The following MOB3B variants were observed in gnomAD, a reference collection of about 807,000 sequenced individuals.
MOB3B encodes MOB kinase activator-like 2B.
In MOB3B, 7 loss-of-function variants were observed where a neutral mutation model predicts 18.7. That is an observed-to-expected ratio of 0.37 (90% CI 0.21 to 0.70). MOB3B has a LOEUF of 0.70. Ranked by LOEUF, MOB3B falls within the 30% of genes least tolerant of loss-of-function variation. The pLI, the probability that MOB3B is intolerant of heterozygous loss-of-function variation, is 0.52. For synonymous variants in MOB3B, 111 were observed against 99.9 expected (o/e 1.11, Z -0.66); for missense variants, 253 against 281.3 (o/e 0.90, Z 0.72).
intron 2 of MOB3B, among the ~76,000 whole-genome samples, chr9:27,453,474 G>A (rs893516514): frequency 6.6e-6 from 1 of 152,124 alleles, no homozygotes; most frequent in Non-Finnish European, 1.5e-5. Context: ...TTACCCTGGG[G>A]GATATAGAGG....
intron 1 of MOB3B, among the ~76,000 whole-genome samples, chr9:27,506,770 TC>T (rs1462353790): frequency 6.6e-6 from 1 of 151,298 alleles, no homozygotes; most frequent in Non-Finnish European, 1.5e-5. Context: ...GACCTCGTGA[TC>T]CGCCAGCCTC....
chr9:27,472,860 G>A (rs1009747063), intron 1 of MOB3B, among the ~76,000 whole-genome samples: 3 of 152,088 alleles, frequency 2.0e-5, no homozygotes, highest in African/African-American at 4.8e-5. Context: ...CTTAACGTAG[G>A]TGAAAACTGA....
At chr9:27,427,932 T>C (rs1204898860) in intron 2 of MOB3B, among the ~76,000 whole-genome samples, 1 of 152,186 alleles carries the variant, frequency 6.6e-6, no homozygotes, top group Non-Finnish European at 1.5e-5. Context: ...AGTTGGTTTT[T>C]ACACCTGTGG....
intron 2 of MOB3B, among the ~76,000 whole-genome samples, chr9:27,385,340 T>C (rs553587034): frequency 1.3e-5 from 2 of 152,314 alleles, no homozygotes; most frequent in South Asian, 4.1e-4. Flanking sequence ...TGTCAGGCCC[T>C]GTACGAGGTA....
chr9:27,352,527 G>T (rs181458964), intron 3 of MOB3B, among the ~76,000 whole-genome samples: 1 of 152,156 alleles, frequency 6.6e-6, no homozygotes, highest in Admixed American at 6.6e-5. Flanking sequence ...CCACGAAGGG[G>T]TGTCTGTCAT....
At chr9:27,527,665 G>A (rs1215633141) in intron 1 of MOB3B, among the ~76,000 whole-genome samples, 2 of 152,200 alleles carry the variant, frequency 1.3e-5, no homozygotes, top group Admixed American at 6.5e-5. Context: ...GAGCTTCCTT[G>A]GAAGAGGGAC....
At position 27,529,725 on chromosome 9, in the gene MOB3B, G is replaced by A. The variant is rs979799526; in HGVS notation, c.-369C>T. The A allele has an allele frequency of 1.1e-5, 11 of 985,378 alleles. No homozygotes were observed. The South Asian group carries it at 4.7e-4, about 42-fold the overall frequency. The allele number at this position is 985,378 out of a possible 1,614,324, so 61.0% of individuals were successfully genotyped here. A position where few individuals can be genotyped will look rare whatever the true frequency, so the allele number is the denominator to read the frequency against. ...TCCCGGCGAGCCAACCGGCGGACGGGCGAGCGCCTGGCTCCAGCTGCAGCC... is the reference window on the plus strand; with the variant it reads ...TCCCGGCGAGCCAACCGGCGGACGGACGAGCGCCTGGCTCCAGCTGCAGCC... On this transcript the variant is annotated 5_prime_UTR_variant, in exon 1 of 4. Coordinates refer to ENST00000262244, the MANE Select transcript of MOB3B (RefSeq NM_024761.5).
Position 27,330,529 on chromosome 9 carries a change from C to T in MOB3B, c.*58G>A. The T allele has an allele frequency of 2.5e-6, 4 of 1,611,858 alleles. No individual in the cohort carries two copies. The highest frequency in any genetic ancestry group is 2.5e-6 in the Non-Finnish European group (3 of 1,178,896). On this transcript the variant is annotated 3_prime_UTR_variant, in exon 4 of 4. Coordinates refer to ENST00000262244, the MANE Select transcript of MOB3B (RefSeq NM_024761.5). Reference sequence around the variant, plus strand: ...TCAGCCAGGGTGGTCCACCTCCTGCCCGCTCAGGGCACCAGGAGGAAACAG... The same window carrying T: ...TCAGCCAGGGTGGTCCACCTCCTGCTCGCTCAGGGCACCAGGAGGAAACAG...
chr9:27,362,702 G>A (rs986040045), intron 2 of MOB3B, among the ~76,000 whole-genome samples: 52 of 152,332 alleles, frequency 3.4e-4, no homozygotes, highest in African/African-American at 1.2e-3. Context: ...AGGAGCCTAG[G>A]AAACCCCACT....
rs1234978908 is a variant in MOB3B at position 27,325,304 on chromosome 9, ATTGAT to A, written c.*5278_*5282del. 6.6e-6 allele frequency: 1 copy of A among 152,212 alleles called. No homozygotes were observed. Among genetic ancestry groups the A allele is most frequent in the Non-Finnish European group, 1.5e-5 (1 of 68,032 alleles). The allele number at this position is 152,212 out of a possible 1,614,324, so 9.4% of individuals were successfully genotyped here. On this transcript the variant is annotated 3_prime_UTR_variant, in exon 4 of 4. Coordinates refer to ENST00000262244, the MANE Select transcript of MOB3B (RefSeq NM_024761.5). ...CATTTAATTTTATGTTGCTTTTCTA[ATTGAT>A]TTAATTGTTAGTTTTCCTTATAGTC...
chr9:27,378,794 T>C (rs1821530184), intron 2 of MOB3B: 1 of 406,396 alleles, frequency 2.5e-6, no homozygotes, highest in African/African-American at 2.1e-5. Context: ...AGGAGAAGAC[T>C]GGAAGGATAG....
intron 2 of MOB3B, among the ~76,000 whole-genome samples, chr9:27,388,509 G>T (rs558836365): frequency 2.6e-5 from 4 of 151,842 alleles, no homozygotes; most frequent in South Asian, 4.2e-4. Flanking sequence ...GTGGTGTTTG[G>T]TTACATGAAT....
chr9:27,488,895 TTGAC>T (rs1215882061), intron 1 of MOB3B, among the ~76,000 whole-genome samples: 1 of 152,202 alleles, frequency 6.6e-6, no homozygotes, highest in Non-Finnish European at 1.5e-5. Context: ...GGCTGACAAA[TTGAC>T]TGGCATAGGG....
chr9:27,432,333 T>C (rs1587209262), intron 2 of MOB3B, among the ~76,000 whole-genome samples: 1 of 152,214 alleles, frequency 6.6e-6, no homozygotes, highest in Non-Finnish European at 1.5e-5. Flanking sequence ...CACAGGGTTA[T>C]TGCCATTTGA....
chr9:27,454,154 C>T (rs572282181), intron 2 of MOB3B, among the ~76,000 whole-genome samples: 3 of 152,340 alleles, frequency 2.0e-5, no homozygotes, highest in East Asian at 1.9e-4. Flanking sequence ...TACTTCCATA[C>T]ACGCCCTTCT....
chr9:27,412,957 T>A (rs988973144), intron 2 of MOB3B, among the ~76,000 whole-genome samples: 1 of 152,210 alleles, frequency 6.6e-6, no homozygotes, highest in Non-Finnish European at 1.5e-5. Flanking sequence ...ACCATTCATT[T>A]AGATGGATTC....
chr9:27,457,815 T>C (rs1428560154), intron 1 of MOB3B, among the ~76,000 whole-genome samples: 1 of 152,134 alleles, frequency 6.6e-6, no homozygotes, highest in Non-Finnish European at 1.5e-5. Context: ...CACTTCTGGG[T>C]ACCCTGGAAT....
At position 27,330,489 on chromosome 9, in the gene MOB3B, A is replaced by G; in HGVS notation, c.*98T>C. ...TGCCTCCACCTCTGCTGTTCCTGGG[A>G]GTAGGTGTGTCATTTCAGCCAGGGT... On this transcript the variant is annotated 3_prime_UTR_variant, in exon 4 of 4. Coordinates refer to ENST00000262244, the MANE Select transcript of MOB3B (RefSeq NM_024761.5). 6.6e-7 allele frequency: 1 copy of G among 1,524,760 alleles called. No homozygotes were observed. 94.5% of individuals were successfully genotyped at this position (1,524,760 alleles called of 1,614,324 possible). A position where few individuals can be genotyped will look rare whatever the true frequency, so the allele number is the denominator to read the frequency against.
At chr9:27,424,652 C>T (rs569354553) in intron 2 of MOB3B, among the ~76,000 whole-genome samples, 13 of 152,234 alleles carry the variant, frequency 8.5e-5, no homozygotes, top group East Asian at 3.9e-4. Context: ...CCAGTGGGTG[C>T]GCAGACTCTA....
Sources: allele counts gnomAD v4.1 joint callset (sites outside exome capture counted in the v4.1 genomes callset), GRCh38; gene constraint gnomAD v4.1.1; transcripts MANE v1.5; gene names NCBI Gene and HGNC (gene_info 2026-07-23, HGNC 2026-07-21).